The following RGS12 variants were observed in gnomAD, a reference collection of about 807,000 sequenced individuals.
The protein encoded by RGS12 is regulator of G-protein signaling 12.
In RGS12, 66 loss-of-function variants were observed where a neutral mutation model predicts 120.1. The observed-to-expected ratio is 0.55, with a 90% confidence interval of 0.45 to 0.67. RGS12 has a LOEUF of 0.67. Among genes scored for constraint, RGS12 ranks in the 30% least tolerant of loss-of-function variants. The pLI is 0.00. For missense variants in RGS12, 1,859 were observed against 1,957.7 expected (o/e 0.95, Z 0.95); for synonymous variants, 827 against 804.7 (o/e 1.03, Z -0.47).
chr4:3,375,472 C>T (rs1165902900), intron 3 of RGS12, among the ~76,000 whole-genome samples: 1 of 88,424 alleles, frequency 1.1e-5, no homozygotes, highest in Non-Finnish European at 2.5e-5. Context: ...CCCTCATCTC[C>T]AGCCCTCATC....
rs16844302 is a variant in RGS12 at position 3,414,298 on chromosome 4, G to A, written c.2190+57G>A. The A allele has an allele frequency of 2.2e-3, 3,259 of 1,472,400 alleles. 69 individuals carry two copies. The Admixed American group carries it at 0.026, about 12-fold the overall frequency. 91.2% of individuals were successfully genotyped at this position (1,472,400 alleles called of 1,614,324 possible). A position where few individuals can be genotyped will look rare whatever the true frequency, so the allele number is the denominator to read the frequency against. On this transcript the variant is annotated intron_variant, in intron 5 of 17. Transcript: ENST00000336727. ...CGGTCTGTGCTCTGCAGAGACTACC[G>A]AGCAGGATCTGTGGGCCGCCCTAGA...
chr4:3,431,094 G>A, intron 17 of RGS12, 139 bp downstream of exon 17: 1 of 1,448,912 alleles, frequency 6.9e-7, no homozygotes, highest in Non-Finnish European at 9.0e-7. Flanking sequence ...GCTGGTTGGG[G>A]GCTTCCTTGG....
chr4:3,392,033 T>C (rs1055172695), intron 4 of RGS12, among the ~76,000 whole-genome samples: 1 of 151,942 alleles, frequency 6.6e-6, no homozygotes, highest in African/African-American at 2.4e-5. Flanking sequence ...CTCAGGAGAG[T>C]ATGTATGAAG....
intron 2 of RGS12, among the ~76,000 whole-genome samples, chr4:3,322,771 G>A (rs1463743460): frequency 1.3e-5 from 2 of 152,044 alleles, no homozygotes; most frequent in African/African-American, 2.4e-5. Flanking sequence ...TTTAATTTCT[G>A]GTATGAGAAA....
At chr4:3,413,982 G>A (rs1022147744) in intron 4 of RGS12, 90 bp from the exon 5 acceptor site, 136 of 1,338,154 alleles carry the variant, frequency 1.0e-4, no homozygotes, top group South Asian at 1.4e-4. Context: ...AGCTTGCTGC[G>A]TGTCCCAGGG....
chr4:3,301,733 T>A (rs16844124), intron 1 of RGS12, among the ~76,000 whole-genome samples: 13,127 of 151,608 alleles, frequency 0.087, 810 homozygotes, highest in African/African-American at 0.17. Context: ...CACTGTGGGT[T>A]TTGTCCAAGG....
intron 10 of RGS12, among the ~76,000 whole-genome samples, 179 bp downstream of exon 10, chr4:3,420,897 C>T (rs1469572185): frequency 6.6e-6 from 1 of 152,254 alleles, no homozygotes; most frequent in Admixed American, 6.5e-5. Context: ...TGGCCCAGTG[C>T]CCCATCAGGC....
intron 2 of RGS12, among the ~76,000 whole-genome samples, chr4:3,338,339 C>G (rs369237639): frequency 6.6e-6 from 1 of 152,258 alleles, no homozygotes; most frequent in East Asian, 1.9e-4. Flanking sequence ...GGATTACAGG[C>G]GTGAGCCACT....
chr4:3,439,822 G>A lies in RGS12; in HGVS notation c.*138G>A. 2.6e-6 allele frequency: 2 copies of A among 774,442 alleles called. No individual in the cohort carries two copies. The highest frequency in any genetic ancestry group is 2.0e-5 in the South Asian group (1 of 49,520). 48.0% of individuals were successfully genotyped at this position (774,442 alleles called of 1,614,324 possible). A position where few individuals can be genotyped will look rare whatever the true frequency, so the allele number is the denominator to read the frequency against. On this transcript the variant is annotated 3_prime_UTR_variant, in exon 18 of 18. Transcript: ENST00000336727. ...CAGGAGGGCAGGGGGTGACCTCGCT[G>A]GAGGCACTGGCCCCGGACATTCGCC... is the stretch of plus-strand genomic sequence containing the variant.
At position 3,402,463 on chromosome 4, in the gene RGS12, T is replaced by C. The variant is rs561602945; in HGVS notation, c.2021-11609T>C. ...CTCAGTCCTGCTGGGTAGGGTGCCC[T>C]TTCGTCCTCTCTATCCCTGGACTCT... is the stretch of plus-strand genomic sequence containing the variant. On this transcript the variant is annotated intron_variant, in intron 4 of 17. Transcript: ENST00000336727. Among the ~76,000 whole-genome samples the C allele has an allele frequency of 5.1e-4, 77 of 152,344 alleles. 1 individual carries two copies. The South Asian group carries it at 0.016, about 31-fold the overall frequency.
At chr4:3,437,534 A>G (rs1724928472) in intron 17 of RGS12, among the ~76,000 whole-genome samples, 1 of 152,144 alleles carries the variant, frequency 6.6e-6, no homozygotes, top group African/African-American at 2.4e-5. Context: ...TGGCATCTGG[A>G]GCCATGCGGA....
At chr4:3,383,518 A>G (rs1718481234) in intron 3 of RGS12, among the ~76,000 whole-genome samples, 1 of 151,814 alleles carries the variant, frequency 6.6e-6, no homozygotes, top group Non-Finnish European at 1.5e-5. Flanking sequence ...ACATGGGAGG[A>G]TTGCTCAAAC....
chr4:3,420,118 C>G (rs1722841404), intron 9 of RGS12, among the ~76,000 whole-genome samples: 1 of 152,208 alleles, frequency 6.6e-6, no homozygotes, highest in African/African-American at 2.4e-5. Flanking sequence ...ATTGACACTT[C>G]ATTACGGTTC....
At chr4:3,426,435 G>A (rs532720502) in intron 14 of RGS12, among the ~76,000 whole-genome samples, 6 of 152,092 alleles carry the variant, frequency 3.9e-5, no homozygotes, top group Non-Finnish European at 7.4e-5. Flanking sequence ...CTGATCTGGC[G>A]CCCTTCCCTC....
chr4:3,426,119 A>G (rs62644693), intron 14 of RGS12, among the ~76,000 whole-genome samples: 71 of 82 alleles, frequency 0.87, 30 homozygotes, highest in East Asian at 1. Context: ...CATAGGGGAG[A>G]GGGCGAGTGG....
intron 2 of RGS12, among the ~76,000 whole-genome samples, chr4:3,339,436 C>T (rs760331764): frequency 7.9e-5 from 12 of 152,114 alleles, no homozygotes; most frequent in Non-Finnish European, 1.3e-4. Flanking sequence ...GAGCCATGAT[C>T]ATACCTCTCC....
chr4:3,414,896 G>C, intron 6 of RGS12, 52 bp downstream of exon 6: 1 of 1,363,756 alleles, frequency 7.3e-7, no homozygotes, highest in South Asian at 1.2e-5. Context: ...GTGTGAGAGA[G>C]ACGCATGTGA....
At chr4:3,386,517 G>A (rs1168848952) in intron 4 of RGS12, 80 bp downstream of exon 4, 44 of 1,267,724 alleles carry the variant, frequency 3.5e-5, no homozygotes, top group Admixed American at 8.6e-5. Context: ...GCCATTTGAT[G>A]CCCTCAGGAA....
Position 3,430,478 on chromosome 4 carries a change from G to A in RGS12, c.3637G>A (p.Asp1213Asn). ...CCAACGTGGGCTGCTAAGGAAGGAA[G>A]ACCTGGTGTTGCCAGAGTTCCTCCG... ...DDQRGLLRKE[D>N]LVLPEFLRLP... The change falls in exon 17 of 18, where the codon GAC (aspartate) becomes AAC (asparagine). Residue 1213 changes from aspartate to asparagine, a missense_variant. This residue lies in a region of RGS12 where 517 missense variants were observed against 488.5 expected (regional missense o/e 1.06). Transcript: ENST00000336727. 2 of 1,613,918 alleles carry A rather than the reference G, an allele frequency of 1.2e-6. No homozygotes were observed.
Sources: gnomAD v4.1 joint callset for allele counts (sites outside exome capture counted in the v4.1 genomes callset) on GRCh38, gnomAD v4.1.1 for gene constraint, gnomAD v4.1.1 regional missense constraint, MANE v1.5 for transcripts, NCBI Gene and HGNC (gene_info 2026-07-23, HGNC 2026-07-21) for gene names.